GATA4: variants seen among roughly 807,000 people sequenced by gnomAD.
GATA4 encodes transcription factor GATA-4.
GATA4 carries 7 observed loss-of-function variants against 37.9 expected under a neutral mutation model. The observed-to-expected ratio is 0.18, with a 90% CI of 0.11 to 0.35. The LOEUF (loss-of-function observed/expected upper bound fraction) is 0.35. GATA4 is among the 10% of genes least tolerant of loss of function. The pLI is 1.00. For synonymous variants in GATA4, 372 were observed against 292.6 expected (o/e 1.27, Z -2.77); for missense variants, 647 against 653.0 (o/e 0.99, Z 0.10).
chr8:11,692,997 AC>A, intron 1 of GATA4: 4 of 985,162 alleles, frequency 4.1e-6, no homozygotes, highest in Non-Finnish European at 4.8e-6. Flanking sequence ...CCCGGGCTGC[AC>A]CCCCGGCCGC....
upstream of GATA4, among the ~76,000 whole-genome samples, chr8:11,702,381 T>C (rs1161761710): frequency 6.6e-6 from 1 of 151,814 alleles, no homozygotes; most frequent in Non-Finnish European, 1.5e-5. The surrounding 1 kb of genome is among the most constrained non-coding windows in gnomAD (Gnocchi z 4.4). Flanking sequence ...CCGGGATAGC[T>C]TCCCGCTCGC....
At chr8:11,681,132 G>A (rs1798957545) in intron 1 of GATA4, 1 of 985,252 alleles carries the variant, frequency 1.0e-6, no homozygotes, top group African/African-American at 1.7e-5. Context: ...GGAAAACCGA[G>A]CCCAGGGAAT....
At chr8:11,705,968 C>T (rs1006814457) in intron 1 of GATA4, 4 of 152,130 alleles carry the variant, frequency 2.6e-5, no homozygotes, top group African/African-American at 9.6e-5. Flanking sequence ...TTGAGTATTC[C>T]AGAAAATGCA....
intron 2 of GATA4, among the ~76,000 whole-genome samples, chr8:11,745,931 A>G (rs764598667): frequency 6.6e-6 from 1 of 152,216 alleles, no homozygotes; most frequent in Non-Finnish European, 1.5e-5. Context: ...ATGATAGTTA[A>G]GAGTTCGTTT....
chr8:11,758,249 A>G (rs192197293), intron 6 of GATA4, 44 bp from the exon 7 acceptor site: 2 of 1,608,720 alleles, frequency 1.2e-6, no homozygotes, highest in African/African-American at 1.3e-5. Context: ...CCAAGCCCTC[A>G]GGAGCGTCTC....
chr8:11,707,941 A>C lies in GATA4; in HGVS notation c.-372A>C. On this transcript the variant is annotated 5_prime_UTR_variant, in exon 2 of 7. Coordinates refer to ENST00000532059, the MANE Select transcript of GATA4 (RefSeq NM_001308093.3). The surrounding 1 kb of genome is among the most constrained non-coding windows in gnomAD (Gnocchi z 4.7). ...GGTGTCCTGGAGGCCTCTCGGTGTG[A>C]CGAGTGGGGGACCCGAAGGCTCGTG... is the stretch of plus-strand genomic sequence containing the variant. 1 of 318,288 alleles carries C rather than the reference A, an allele frequency of 3.1e-6. No homozygotes were observed. Among genetic ancestry groups the C allele is most frequent in the Non-Finnish European group, 6.1e-6 (1 of 165,040 alleles). 19.7% of individuals were successfully genotyped at this position (318,288 alleles called of 1,614,324 possible).
At chr8:11,723,357 A>C (rs1800763138) in intron 2 of GATA4, among the ~76,000 whole-genome samples, 2 of 152,074 alleles carry the variant, frequency 1.3e-5, no homozygotes, top group Non-Finnish European at 2.9e-5. Context: ...AAAAAACAAA[A>C]AAACCTCATG....
intron 2 of GATA4, among the ~76,000 whole-genome samples, chr8:11,748,186 C>G (rs1027394832): frequency 1.3e-5 from 2 of 152,148 alleles, no homozygotes; most frequent in Non-Finnish European, 2.9e-5. Context: ...CCATTGCACT[C>G]TAGCCTGGGC....
At chr8:11,750,347 G>C (rs534687332) in intron 4 of GATA4, 111 bp downstream of exon 4, 2 of 1,472,672 alleles carry the variant, frequency 1.4e-6, no homozygotes, top group Middle Eastern at 1.7e-4. Context: ...TTAACAAAGA[G>C]ACTTAGATTT....
intron 4 of GATA4, among the ~76,000 whole-genome samples, chr8:11,750,608 A>C (rs939215484): frequency 6.6e-5 from 10 of 152,104 alleles, no homozygotes; most frequent in Non-Finnish European, 1.3e-4. Context: ...GGGTGAATTA[A>C]GGATATTACA....
intron 2 of GATA4, among the ~76,000 whole-genome samples, chr8:11,735,878 C>T (rs1237514174): frequency 6.6e-6 from 1 of 152,076 alleles, no homozygotes; most frequent in Admixed American, 6.5e-5. Flanking sequence ...TTTGTTTCTA[C>T]GTGACATTCT....
At chr8:11,744,675 T>C (rs1471769247) in intron 2 of GATA4, among the ~76,000 whole-genome samples, 1 of 152,258 alleles carries the variant, frequency 6.6e-6, no homozygotes, top group Non-Finnish European at 1.5e-5. Context: ...TTTAAAAATA[T>C]GTGTAACATT....
intron 2 of GATA4, among the ~76,000 whole-genome samples, chr8:11,743,028 C>T (rs1260726267): frequency 6.6e-6 from 1 of 152,248 alleles, no homozygotes; most frequent in Non-Finnish European, 1.5e-5. Context: ...TTGGCCCCCT[C>T]TGGCCCCTCT....
At chr8:11,729,289 G>C (rs1195965794) in intron 2 of GATA4, among the ~76,000 whole-genome samples, 4 of 152,136 alleles carry the variant, frequency 2.6e-5, no homozygotes, top group African/African-American at 7.2e-5. Context: ...AAAAAATGCA[G>C]CTGGGCGCGG....
intron 2 of GATA4, among the ~76,000 whole-genome samples, chr8:11,720,113 C>T (rs1800604377): frequency 6.6e-6 from 1 of 151,780 alleles, no homozygotes; most frequent in African/African-American, 2.4e-5. Flanking sequence ...CCAGACCCTT[C>T]TCTTCCTGCG....
chr8:11,744,581 G>T (rs1277575200), intron 2 of GATA4, among the ~76,000 whole-genome samples: 1 of 152,192 alleles, frequency 6.6e-6, no homozygotes, highest in Non-Finnish European at 1.5e-5. Flanking sequence ...GTGCTAGTTT[G>T]GGACTTAGTT....
chr8:11,729,330 G>T (rs1434181069), intron 2 of GATA4, among the ~76,000 whole-genome samples: 1 of 152,188 alleles, frequency 6.6e-6, no homozygotes, highest in Non-Finnish European at 1.5e-5. Flanking sequence ...AGCACTTTGG[G>T]AGGCCAGGGT....
At chr8:11,728,857 A>G (rs1392907281) in intron 2 of GATA4, among the ~76,000 whole-genome samples, 4 of 152,234 alleles carry the variant, frequency 2.6e-5, no homozygotes, top group African/African-American at 7.2e-5. Flanking sequence ...CTTACTGTCT[A>G]TAATTTCTCT....
intron 1 of GATA4, chr8:11,680,824 A>G (rs1798942690): frequency 2.0e-6 from 2 of 985,014 alleles, no homozygotes; most frequent in East Asian, 2.3e-4. Flanking sequence ...CTCGGTCCCC[A>G]CGCTCTGGGC....
Sources: gnomAD v4.1 joint callset for allele counts (sites outside exome capture counted in the v4.1 genomes callset) on GRCh38, gnomAD v4.1.1 for gene constraint, Gnocchi (gnomAD v3.1) non-coding constraint, MANE v1.5 for transcripts, NCBI Gene and HGNC (gene_info 2026-07-23, HGNC 2026-07-21) for gene names.